Variants in RGPD4 observed in about 807,000 individuals in gnomAD.
RGPD4 encodes RANBP2 like and GRIP domain containing 4, also known as ranBP2-like and GRIP domain-containing protein 4.
In RGPD4, 84 loss-of-function variants were observed where a neutral mutation model predicts 141.1. That is an observed-to-expected ratio of 0.60 (90% CI 0.50 to 0.71). The LOEUF (loss-of-function observed/expected upper bound fraction) is 0.71, where lower values mean the gene tolerates loss of function less well. Ranked by LOEUF, RGPD4 falls within the 30% of genes least tolerant of loss-of-function variation. The probability of loss-of-function intolerance (pLI) is 0.00; values close to 1 mark genes in which losing one functional copy is unlikely to be tolerated. For synonymous variants in RGPD4, 298 were observed against 566.8 expected (o/e 0.53, Z 6.74); for missense variants, 918 against 1,622.4 (o/e 0.57, Z 7.46).
intron 6 of RGPD4, among the ~76,000 whole-genome samples, chr2:107,845,539 A>G (rs1573477660): frequency 6.6e-6 from 1 of 151,614 alleles, no homozygotes; most frequent in East Asian, 1.9e-4. Context: ...GAAGATAAAA[A>G]GCTGGTGCCA....
rs1375629048 is a variant in RGPD4, at chr2:107,869,071, TG to T, written c.2606-809del. Among the ~76,000 whole-genome samples the T allele has an allele frequency of 5.0e-5, 3 of 60,592 alleles. 1 individual carries two copies. The highest frequency in any genetic ancestry group is 1.1e-4 in the Non-Finnish European group (3 of 28,370). The allele number at this position is 60,592 out of a possible 152,430, so 39.8% of individuals were successfully genotyped here. On this transcript the variant is annotated intron_variant, in intron 18 of 22. Transcript: ENST00000408999. Reference sequence around the variant, plus strand: ...TCTGTAAGGTTTCCAAAATCAAACTTGGGCTTCTGGCTAGCCTTTTCTGGGT... The same window carrying T: ...TCTGTAAGGTTTCCAAAATCAAACTTGGCTTCTGGCTAGCCTTTTCTGGGT...
chr2:107,832,154 T>C (rs2104399558), intron 1 of RGPD4, among the ~76,000 whole-genome samples: 1 of 152,140 alleles, frequency 6.6e-6, no homozygotes, highest in Admixed American at 6.5e-5. Flanking sequence ...GTGGTCAAAC[T>C]GATCACATAA....
In RGPD4 at chr2:107,880,043, A is replaced by T. The variant is rs1471936570; in HGVS notation, c.5000A>T (p.Asp1667Val). Residue 1667 changes from aspartate (D) to valine (V), a missense_variant, in exon 21 of 23, where the codon GAT (aspartate) becomes GTT (valine). Transcript: ENST00000408999. ...CTCAGTTCCACCACAAAAAGTGCAGATCACTTAAACGGCCTGCTTCGGGAA... is the reference window on the plus strand; with the variant it reads ...CTCAGTTCCACCACAAAAAGTGCAGTTCACTTAAACGGCCTGCTTCGGGAA... ...QKLSSTTKSA[D>V]HLNGLLREAE... 1 of 1,611,332 alleles carries T rather than the reference A, an allele frequency of 6.2e-7. No individual in the cohort carries two copies. The highest frequency in any genetic ancestry group is 1.3e-5 in the African/African-American group (1 of 74,384).
chr2:107,883,066 A>T (rs1459538648), intron 22 of RGPD4, 193 bp downstream of exon 22: 1 of 905,724 alleles, frequency 1.1e-6, no homozygotes, highest in Admixed American at 2.3e-5. Flanking sequence ...CATTTATATA[A>T]TTTTAACGTT....
At chr2:107,877,822 T>G (rs1427627434) in intron 20 of RGPD4, among the ~76,000 whole-genome samples, 1 of 151,790 alleles carries the variant, frequency 6.6e-6, no homozygotes, top group South Asian at 2.1e-4. Flanking sequence ...TTTTGTTTGT[T>G]TTTTTGTTTT....
rs1012471299 is a variant in RGPD4 at position 107,829,751 on chromosome 2, G to A, written c.72+2666G>A. ...CTCTTTCTCCCGGCTTGTTCCCGAC[G>A]CTTGTTCCCGACGGTGCTCGCTCCT... On this transcript the variant is annotated intron_variant, in intron 1 of 22. Coordinates refer to ENST00000408999, the MANE Select transcript of RGPD4 (RefSeq NM_182588.3). Among the ~76,000 whole-genome samples, 3 of 152,064 alleles carry A rather than the reference G, an allele frequency of 2.0e-5. No individual in the cohort carries two copies. In the South Asian group the frequency reaches 6.2e-4, roughly 32 times the overall value.
At chr2:107,851,300 C>A (rs1012132397) in intron 7 of RGPD4, among the ~76,000 whole-genome samples, 1 of 78,950 alleles carries the variant, frequency 1.3e-5, no homozygotes, top group East Asian at 2.5e-4. Flanking sequence ...TTTGTAAAGA[C>A]AAGGTCTTGC....
Position 107,870,988 on chromosome 2 carries a change from GATTTTCA to G in RGPD4, c.2985_2991del (p.Phe996ValfsTer44). 6.2e-7 allele frequency: 1 copy of G among 1,610,714 alleles called. No individual in the cohort carries two copies. The highest frequency in any genetic ancestry group is 1.1e-5 in the South Asian group (1 of 90,930). On this transcript the variant is annotated frameshift_variant, in exon 20 of 23. Transcript: ENST00000408999. LOFTEE classifies it high-confidence loss of function. ...GGCAAAAAAGACCCCAATTTCAAGG[GATTTTCA>G]GGTGCTGGAGAAAAATTATTCTCAT...
chr2:107,871,767 A>C lies in RGPD4; in HGVS notation c.3763A>C (p.Arg1255=), dbSNP rs1400260151. Residue 1255 remains arginine (R), a synonymous_variant, in exon 20 of 23, where the codon AGG becomes CGG. Transcript: ENST00000408999. ...PTLEWDNCDL[R]EDALDDSVSS... ...ATTAGAATGGGATAACTGTGATTTA[A>C]GGGAAGATGCTTTGGATGATAGTGT... The C allele has an allele frequency of 3.7e-6, 6 of 1,611,488 alleles. No homozygotes were observed. The African/African-American group carries it at 6.7e-5, about 18-fold the overall frequency.
intron 22 of RGPD4, among the ~76,000 whole-genome samples, chr2:107,886,740 G>A (rs1232615290): frequency 6.6e-5 from 10 of 152,090 alleles, no homozygotes; most frequent in African/African-American, 1.7e-4. Flanking sequence ...TAGAAGAAAG[G>A]TCTGAGAGCC....
At chr2:107,883,247 C>G (rs1445575743) in intron 22 of RGPD4, 1 of 438,344 alleles carries the variant, frequency 2.3e-6, no homozygotes, top group Non-Finnish European at 4.5e-6. Context: ...TTCCTTCCTC[C>G]AACCCCAAAT....
rs766154382 is a variant in RGPD4, at chr2:107,826,927, C to T, written c.-87C>T. Reference sequence around the variant, plus strand: ...TCCGCCGGCTACGCGGAGTCAGTGGCTTTCAGGCGCTTTCCTGTTGGAATT... The same window carrying T: ...TCCGCCGGCTACGCGGAGTCAGTGGTTTTCAGGCGCTTTCCTGTTGGAATT... On this transcript the variant is annotated 5_prime_UTR_variant, in exon 1 of 23. Coordinates refer to ENST00000408999, the MANE Select transcript of RGPD4 (RefSeq NM_182588.3). 97 of 1,547,952 alleles carry T rather than the reference C, an allele frequency of 6.3e-5. No individual in the cohort carries two copies. Among genetic ancestry groups the T allele is most frequent in the Non-Finnish European group, 8.3e-5 (95 of 1,146,064 alleles).
At chr2:107,844,823 C>CTTTTTTT (rs1681859511) in intron 6 of RGPD4, among the ~76,000 whole-genome samples, 6 of 53,850 alleles carry the variant, frequency 1.1e-4, no homozygotes, top group South Asian at 7.5e-4. Flanking sequence ...TTCTTTCTTT[C>CTTTTTTT]TTTTTTGTTT....
intron 22 of RGPD4, 36 bp from the exon 23 acceptor site, chr2:107,890,685 C>G: frequency 2.0e-6 from 3 of 1,534,222 alleles, no homozygotes; most frequent in African/African-American, 1.5e-5. Flanking sequence ...TTTTAATACT[C>G]TCTTTTTTCT....
intron 1 of RGPD4, among the ~76,000 whole-genome samples, chr2:107,830,258 A>AT (rs1372311489): frequency 6.8e-6 from 1 of 146,986 alleles, no homozygotes; most frequent in Non-Finnish European, 1.5e-5. Context: ...TTTTAAGGGT[A>AT]TTTTTCCTCT....
intron 20 of RGPD4, 64 bp from the exon 21 acceptor site, chr2:107,879,904 T>A (rs372208120): frequency 2.1e-5 from 34 of 1,584,918 alleles, no homozygotes; most frequent in East Asian, 2.0e-4. Context: ...AGATTTTTCT[T>A]ATTTAGAATC....
chr2:107,877,769 T>C (rs1683130279), intron 20 of RGPD4, among the ~76,000 whole-genome samples: 2 of 151,794 alleles, frequency 1.3e-5, no homozygotes, highest in South Asian at 2.1e-4. Context: ...ATAGCTGCTA[T>C]TAAAATGACT....
At chr2:107,882,426 G>A (rs570284852) in intron 21 of RGPD4, among the ~76,000 whole-genome samples, 11 of 151,644 alleles carry the variant, frequency 7.3e-5, no homozygotes, top group Admixed American at 5.2e-4. Context: ...GGCAAATGCA[G>A]CTTTGAAACT....
Position 107,891,347 on chromosome 2 carries a change from T to C in RGPD4, c.*616T>C, listed in dbSNP as rs1675653428. Among the ~76,000 whole-genome samples, 1 of 102,884 alleles carries C rather than the reference T, an allele frequency of 9.7e-6. No individual in the cohort carries two copies. 67.5% of individuals were successfully genotyped at this position (102,884 alleles called of 152,430 possible). A position where few individuals can be genotyped will look rare whatever the true frequency, so the allele number is the denominator to read the frequency against. ...TAATAAAAATAACATTTTATGACTA[T>C]TTATTGCAAGGTCAGATTTACAGAT... On this transcript the variant is annotated 3_prime_UTR_variant, in exon 23 of 23. Transcript: ENST00000408999.
Sources: gnomAD v4.1 joint callset for allele counts (sites outside exome capture counted in the v4.1 genomes callset) on GRCh38, gnomAD v4.1.1 for gene constraint, MANE v1.5 for transcripts, NCBI Gene and HGNC (gene_info 2026-07-23, HGNC 2026-07-21) for gene names.